The following AK5 variants were observed in gnomAD, a reference collection of about 807,000 sequenced individuals.
AK5 encodes adenylate kinase 5, also known as adenylate kinase isoenzyme 5.
In AK5, 27 loss-of-function variants were observed where a neutral mutation model predicts 69.5. The observed-to-expected ratio is 0.39, with a 90% CI of 0.29 to 0.54. The LOEUF (loss-of-function observed/expected upper bound fraction) is 0.54, where lower values mean the gene tolerates loss of function less well. Ranked by LOEUF, AK5 falls within the 20% of genes least tolerant of loss-of-function variation. AK5 has a pLI of 0.71. For missense variants in AK5, 531 were observed against 700.4 expected (o/e 0.76, Z 2.73); for synonymous variants, 260 against 244.4 (o/e 1.06, Z -0.60).
At chr1:77,314,764 G>A (rs1318165936) in intron 5 of AK5, 1 of 152,102 alleles carries the variant, frequency 6.6e-6, no homozygotes, top group Non-Finnish European at 1.5e-5. Context: ...CTATAATTTT[G>A]TAAAGGTACT....
intron 8 of AK5, among the ~76,000 whole-genome samples, chr1:77,441,160 A>T (rs1022475415): frequency 6.6e-6 from 1 of 152,000 alleles, no homozygotes; most frequent in East Asian, 1.9e-4. Context: ...TTTTTAAATG[A>T]TATCTCTGTT....
In AK5 at chr1:77,297,964, A is replaced by G. The variant is rs769976107; in HGVS notation, c.699+17A>G. On this transcript the variant is annotated intron_variant, in intron 5 of 13. Coordinates refer to ENST00000354567, the MANE Select transcript of AK5 (RefSeq NM_174858.3). ...GAGGACCAAGTAAGAATATCTCCTT[A>G]TATTTTAAATGAACTACTTTTTGCT... The G allele has an allele frequency of 1.3e-6, 2 of 1,541,134 alleles. No individual in the cohort carries two copies. The highest frequency in any genetic ancestry group is 1.2e-5 in the South Asian group (1 of 82,316).
chr1:77,285,673 A>C (rs1477768408), intron 1 of AK5, among the ~76,000 whole-genome samples: 1 of 152,236 alleles, frequency 6.6e-6, no homozygotes, highest in Non-Finnish European at 1.5e-5. Flanking sequence ...ATCTAGTGCC[A>C]GTGACACATC....
intron 8 of AK5, among the ~76,000 whole-genome samples, chr1:77,427,556 G>A (rs1177718553): frequency 6.6e-6 from 1 of 152,090 alleles, no homozygotes; most frequent in Non-Finnish European, 1.5e-5. Context: ...ATTTAAGGAA[G>A]AAATCATACC....
intron 2 of AK5, among the ~76,000 whole-genome samples, chr1:77,292,078 T>C (rs1444245893): frequency 6.6e-6 from 1 of 152,184 alleles, no homozygotes; most frequent in Non-Finnish European, 1.5e-5. Flanking sequence ...AATATGATGA[T>C]GGCTTGGGAA....
intron 6 of AK5, among the ~76,000 whole-genome samples, chr1:77,355,696 A>G (rs1662474693): frequency 1.3e-5 from 2 of 152,102 alleles, no homozygotes; most frequent in African/African-American, 2.4e-5. Context: ...TCTTTCTACT[A>G]TAACTCTGTC....
intron 13 of AK5, among the ~76,000 whole-genome samples, chr1:77,557,538 A>G (rs1660170571): frequency 6.6e-6 from 1 of 152,058 alleles, no homozygotes; most frequent in South Asian, 2.1e-4. Context: ...TGCCCAGAAA[A>G]TCAGCTTCCC....
chr1:77,395,526 G>A (rs1648770606), intron 6 of AK5, among the ~76,000 whole-genome samples: 1 of 152,200 alleles, frequency 6.6e-6, no homozygotes, highest in African/African-American at 2.4e-5. Flanking sequence ...GCCCATGGTT[G>A]CAGAGGTGAA....
At chr1:77,283,340 G>A (rs1323670738) in intron 1 of AK5, 1 of 985,292 alleles carries the variant, frequency 1.0e-6, no homozygotes, top group Non-Finnish European at 1.2e-6. Flanking sequence ...TCCTAAGCGA[G>A]CTCTGAAAGG....
intron 3 of AK5, among the ~76,000 whole-genome samples, chr1:77,296,435 A>G (rs1184980158): frequency 6.6e-6 from 1 of 152,170 alleles, no homozygotes; most frequent in Non-Finnish European, 1.5e-5. Context: ...ATGGCAGAGA[A>G]TATCTCTGTC....
intron 8 of AK5, among the ~76,000 whole-genome samples, chr1:77,431,903 G>T (rs912198396): frequency 6.6e-6 from 1 of 152,166 alleles, no homozygotes; most frequent in African/African-American, 2.4e-5. Context: ...AACAAAGGTG[G>T]TGTCAGTCCA....
At chr1:77,555,753 G>T (rs1265583128) in intron 13 of AK5, among the ~76,000 whole-genome samples, 1 of 152,242 alleles carries the variant, frequency 6.6e-6, no homozygotes, top group Non-Finnish European at 1.5e-5. Flanking sequence ...TATAGCTCCT[G>T]TGCTTATCTC....
At chr1:77,327,390 CAA>C (rs4033041) in intron 5 of AK5, among the ~76,000 whole-genome samples, 36,970 of 128,870 alleles carry the variant, frequency 0.29, 4,662 homozygotes, top group African/African-American at 0.35. Context: ...GATCCTGTCT[CAA>C]AAAAAAAAAA....
chr1:77,416,245 G>A (rs1214677992), intron 7 of AK5, among the ~76,000 whole-genome samples: 2 of 152,068 alleles, frequency 1.3e-5, no homozygotes, highest in African/African-American at 2.4e-5. Context: ...GTAAATTAAA[G>A]TTTCCCACCT....
chr1:77,531,789 G>A (rs1364690696), intron 12 of AK5, among the ~76,000 whole-genome samples: 1 of 151,596 alleles, frequency 6.6e-6, no homozygotes, highest in Non-Finnish European at 1.5e-5. Flanking sequence ...ATGGGACTGG[G>A]CGCCGTGGAG....
intron 13 of AK5, among the ~76,000 whole-genome samples, chr1:77,539,471 GC>G (rs746712863): frequency 1.3e-5 from 2 of 152,146 alleles, no homozygotes; most frequent in Non-Finnish European, 2.9e-5. Flanking sequence ...TCATCCCACT[GC>G]CCCTGCCCAG....
At chr1:77,330,915 T>G (rs577590141) in intron 5 of AK5, among the ~76,000 whole-genome samples, 10 of 152,228 alleles carry the variant, frequency 6.6e-5, no homozygotes, top group Non-Finnish European at 1.2e-4. Context: ...GTACCATCCT[T>G]CATTAGATTT....
chr1:77,531,350 C>T (rs1658571947), intron 12 of AK5, among the ~76,000 whole-genome samples: 1 of 152,174 alleles, frequency 6.6e-6, no homozygotes, highest in Non-Finnish European at 1.5e-5. Context: ...GATCTGGCCC[C>T]ACCCACATCC....
chr1:77,295,875 T>C (rs1359371495), intron 3 of AK5, among the ~76,000 whole-genome samples: 1 of 152,170 alleles, frequency 6.6e-6, no homozygotes, highest in Non-Finnish European at 1.5e-5. Context: ...TCGGAGAATA[T>C]GTAAATACTC....
Sources: gnomAD v4.1 joint callset for allele counts (sites outside exome capture counted in the v4.1 genomes callset) on GRCh38, gnomAD v4.1.1 for gene constraint, MANE v1.5 for transcripts, NCBI Gene and HGNC (gene_info 2026-07-23, HGNC 2026-07-21) for gene names.